Variants in LNX1 observed in about 807,000 individuals in gnomAD.
LNX1 encodes ligand of numb-protein X 1, also known as E3 ubiquitin-protein ligase LNX.
LNX1 carries 54 observed loss-of-function variants against 68.4 expected under a neutral mutation model. That is an observed-to-expected ratio of 0.79 (90% CI 0.63 to 0.99). The LOEUF is 0.99. LNX1 is among the 50% of genes least tolerant of loss of function. LNX1 has a pLI of 0.00. For synonymous variants in LNX1, 336 were observed against 350.0 expected, an observed-to-expected ratio of 0.96 and a Z score of 0.45; for missense variants, 906 against 926.4, an observed-to-expected ratio of 0.98 and a Z score of 0.29.
At chr4:53,607,167 G>A (rs1193188654) in intron 2 of LNX1, among the ~76,000 whole-genome samples, 3 of 152,074 alleles carry the variant, frequency 2.0e-5, no homozygotes, top group Middle Eastern at 3.2e-3. Context: ...AGAGGAAGTC[G>A]AACTATCCCT....
intron 1 of LNX1, among the ~76,000 whole-genome samples, chr4:53,590,658 A>G (rs1732455265): frequency 6.6e-6 from 1 of 152,230 alleles, no homozygotes; most frequent in Admixed American, 6.5e-5. Context: ...AAGAGGTCCA[A>G]AAAATTAAAA....
intron 1 of LNX1, among the ~76,000 whole-genome samples, chr4:53,638,745 G>A (rs750248028): frequency 2.6e-5 from 4 of 152,182 alleles, no homozygotes; most frequent in Non-Finnish European, 4.4e-5. Flanking sequence ...ATTCAGGCAT[G>A]AGTTATAGCG....
intron 4 of LNX1, among the ~76,000 whole-genome samples, chr4:53,506,186 T>C (rs980074589): frequency 2.0e-5 from 3 of 152,234 alleles, no homozygotes; most frequent in African/African-American, 7.2e-5. Context: ...TGCCATTTTT[T>C]AGCTGGGTGA....
At chr4:53,487,549 T>C (rs1326700202) in intron 6 of LNX1, among the ~76,000 whole-genome samples, 3 of 152,174 alleles carry the variant, frequency 2.0e-5, no homozygotes, top group Non-Finnish European at 4.4e-5. Flanking sequence ...TATTATTCTA[T>C]ACACACACTT....
intron 2 of LNX1, among the ~76,000 whole-genome samples, chr4:53,553,286 A>G (rs529242738): frequency 6.6e-6 from 1 of 152,286 alleles, no homozygotes; most frequent in East Asian, 1.9e-4. Flanking sequence ...TGTAGTGCCC[A>G]TACGGATCCC....
chr4:53,635,791 G>T (rs1734450312), intron 1 of LNX1, among the ~76,000 whole-genome samples: 1 of 152,148 alleles, frequency 6.6e-6, no homozygotes, highest in African/African-American at 2.4e-5. Flanking sequence ...ATATCAGAGA[G>T]ACTGTGCCCA....
At chr4:53,531,674 C>G (rs1728031734) in intron 2 of LNX1, among the ~76,000 whole-genome samples, 1 of 152,182 alleles carries the variant, frequency 6.6e-6, no homozygotes, top group East Asian at 1.9e-4. Context: ...ATCGTGTAAA[C>G]TGTGAACAGG....
intron 6 of LNX1, among the ~76,000 whole-genome samples, chr4:53,493,603 A>G (rs1412888618): frequency 6.6e-6 from 1 of 152,248 alleles, no homozygotes; most frequent in Non-Finnish European, 1.5e-5. Context: ...AAAGAATCAC[A>G]TAACCAGATC....
chr4:53,631,945 C>T (rs1280096615), intron 1 of LNX1, among the ~76,000 whole-genome samples: 1 of 151,896 alleles, frequency 6.6e-6, no homozygotes, highest in Non-Finnish European at 1.5e-5. Flanking sequence ...GTAAAATCTG[C>T]TGAAGAAAAG....
rs1273927632 is a variant in LNX1, at chr4:53,573,685, T to A, written c.318A>T (p.Pro106=). ...ACACCTGGGTGCAGTGCTCCCTGAA[T>A]GGGCAGGTCACCAGTAGCTTGTTGA... ...KLLNKLLVTC[P]FREHCTQVLQ... The change falls in exon 2 of 11, where the codon CCA becomes CCT. Residue 106 remains proline, a synonymous_variant. Transcript: ENST00000263925. 6.2e-7 allele frequency: 1 copy of A among 1,609,496 alleles called. No homozygotes were observed. The highest frequency in any genetic ancestry group is 1.7e-5 in the Admixed American group (1 of 59,256).
At chr4:53,645,093 A>G (rs1734836282) in intron 1 of LNX1, among the ~76,000 whole-genome samples, 1 of 152,230 alleles carries the variant, frequency 6.6e-6, no homozygotes, top group East Asian at 1.9e-4. Flanking sequence ...ACGCCAAAAA[A>G]GAACAGAAAG....
chr4:53,501,709 G>A (rs912223528), intron 4 of LNX1: 1 of 152,174 alleles, frequency 6.6e-6, no homozygotes, highest in Non-Finnish European at 1.5e-5. Context: ...GATAAACCAT[G>A]CCAGGAAGCT....
intron 1 of LNX1, among the ~76,000 whole-genome samples, chr4:53,634,157 C>A (rs1404193125): frequency 3.3e-5 from 5 of 152,106 alleles, no homozygotes; most frequent in Non-Finnish European, 7.3e-5. Context: ...CACCCAATAC[C>A]ACCTGCTCAA....
At chr4:53,464,329 CTG>C (rs1229347222) in intron 9 of LNX1, among the ~76,000 whole-genome samples, 5 of 152,090 alleles carry the variant, frequency 3.3e-5, no homozygotes, top group South Asian at 4.1e-4. Flanking sequence ...ACCTCTCAGT[CTG>C]TGGTGAAGGG....
chr4:53,648,772 T>C (rs1734983701), intron 1 of LNX1, among the ~76,000 whole-genome samples: 1 of 152,140 alleles, frequency 6.6e-6, no homozygotes, highest in Non-Finnish European at 1.5e-5. Context: ...CAGAACAGTT[T>C]CAAAAACTCC....
In LNX1 at chr4:53,615,518, G is replaced by A. The variant is rs1338627731; in HGVS notation, c.-215+999C>T. On this transcript the variant is annotated intron_variant, in intron 2 of 3. Transcript: ENST00000504299. ...AAGAAGACTGAGGCTCTAGCCAATC[G>A]CCAGAGCCAACTCCCAGACATGAGT... 5.3e-5 allele frequency among the ~76,000 whole-genome samples: 8 copies of A among 152,166 alleles called. 1 individual carries two copies. In the South Asian group the frequency reaches 1.0e-3, roughly 20 times the overall value.
rs116771817 is a variant in LNX1 at position 53,495,519 on chromosome 4, A to G, written c.1350+504T>C. Reference sequence around the variant, plus strand: ...ATGGAGACTAAGACTTACTCTGTCCATAGGATCCCTGGAGAATGCATGGCA... The same window carrying G: ...ATGGAGACTAAGACTTACTCTGTCCGTAGGATCCCTGGAGAATGCATGGCA... On this transcript the variant is annotated intron_variant, in intron 6 of 10. Coordinates refer to ENST00000263925, the MANE Select transcript of LNX1 (RefSeq NM_001126328.3). 2.3e-3 allele frequency among the ~76,000 whole-genome samples: 340 copies of G among 146,032 alleles called. 2 individuals carry two copies. The highest frequency in any genetic ancestry group is 8.5e-3 in the African/African-American group (334 of 39,108).
intron 2 of LNX1, among the ~76,000 whole-genome samples, chr4:53,514,228 C>T (rs1353393492): frequency 6.6e-6 from 1 of 152,188 alleles, no homozygotes; most frequent in Non-Finnish European, 1.5e-5. Context: ...GTTTTATCTC[C>T]AGTGCCAAAG....
At chr4:53,569,922 A>G (rs1731022307) in intron 2 of LNX1, among the ~76,000 whole-genome samples, 2 of 151,828 alleles carry the variant, frequency 1.3e-5, no homozygotes, top group South Asian at 2.1e-4. Flanking sequence ...AATGCTCACC[A>G]TCACTGGCCA....
Sources: gnomAD v4.1 joint callset for allele counts (sites outside exome capture counted in the v4.1 genomes callset) on GRCh38, gnomAD v4.1.1 for gene constraint, MANE v1.5 for transcripts, NCBI Gene and HGNC (gene_info 2026-07-23, HGNC 2026-07-21) for gene names.